The following PRKN variants were observed in gnomAD, a reference collection of about 807,000 sequenced individuals.
The protein encoded by PRKN is E3 ubiquitin-protein ligase parkin.
A neutral mutation model predicts 59.5 loss-of-function variants in PRKN; 56 were observed. The ratio of observed to expected loss-of-function variants is 0.94; its 90% CI spans 0.76 to 1.18. PRKN has a LOEUF of 1.18. Among genes scored for constraint, PRKN ranks in the 50% most tolerant of loss-of-function variants. The pLI is 0.00. For missense variants in PRKN, 657 were observed against 596.4 expected (o/e 1.10, Z -1.06); for synonymous variants, 250 against 222.1 (o/e 1.13, Z -1.12).
In PRKN at chr6:161,386,659, C is replaced by T. The variant is rs1786262853; in HGVS notation, c.1167+135G>A. On this transcript the variant is annotated intron_variant, in intron 10 of 11. Coordinates refer to ENST00000366898, the MANE Select transcript of PRKN (RefSeq NM_004562.3). This position sits in a 1 kb window ranked among gnomAD's most constrained non-coding sequence, Gnocchi z 4.3. The stretch of plus-strand genomic sequence containing the variant: ...GTCATTCTGGGAGAAGCCACGGCCC[C>T]ATTCCCATGGCTGTCAGCTACCAGT... 1 of 769,062 alleles carries T rather than the reference C, an allele frequency of 1.3e-6. No homozygotes were observed. Among genetic ancestry groups the T allele is most frequent in the Non-Finnish European group, 2.3e-6 (1 of 427,980 alleles). 47.6% of individuals were successfully genotyped at this position (769,062 alleles called of 1,614,324 possible).
intron 1 of PRKN, among the ~76,000 whole-genome samples, chr6:162,622,100 A>G (rs545861034): frequency 6.6e-6 from 1 of 151,702 alleles, no homozygotes; most frequent in South Asian, 2.1e-4. Context: ...GGCTTGAGCC[A>G]CCGCACCCAG....
intron 2 of PRKN, among the ~76,000 whole-genome samples, chr6:162,378,157 C>T (rs1786225509): frequency 6.6e-6 from 1 of 152,140 alleles, no homozygotes; most frequent in Non-Finnish European, 1.5e-5. Flanking sequence ...TCTTTTCTCC[C>T]CTTTCTTTCT....
intron 2 of PRKN, among the ~76,000 whole-genome samples, chr6:162,371,553 G>A (rs1412138201): frequency 6.6e-6 from 1 of 152,068 alleles, no homozygotes; most frequent in Non-Finnish European, 1.5e-5. Context: ...ATAAACATGA[G>A]AATAACATTA....
chr6:162,039,119 G>A (rs1256832077), intron 5 of PRKN, among the ~76,000 whole-genome samples: 1 of 151,194 alleles, frequency 6.6e-6, no homozygotes, highest in African/African-American at 2.4e-5. Context: ...TCGCGCCACT[G>A]CACTCCAGCC....
chr6:162,223,141 G>T (rs112624804), intron 3 of PRKN, among the ~76,000 whole-genome samples: 32 of 151,868 alleles, frequency 2.1e-4, no homozygotes, highest in African/African-American at 7.7e-4. Flanking sequence ...AGTTTACTGA[G>T]AATGATGATT....
chr6:161,650,427 T>C (rs1156915649), intron 7 of PRKN, among the ~76,000 whole-genome samples: 1 of 152,182 alleles, frequency 6.6e-6, no homozygotes, highest in Non-Finnish European at 1.5e-5. Context: ...ACAGTTTGTC[T>C]TTCTCTACTC....
chr6:162,058,552 C>A (rs1201855967), intron 4 of PRKN, among the ~76,000 whole-genome samples: 1 of 152,166 alleles, frequency 6.6e-6, no homozygotes, highest in Non-Finnish European at 1.5e-5. Context: ...TGTGGTTAAC[C>A]ATTAACTAAA....
At chr6:162,532,356 G>A (rs1158421675) in intron 1 of PRKN, among the ~76,000 whole-genome samples, 1 of 152,256 alleles carries the variant, frequency 6.6e-6, no homozygotes, top group Non-Finnish European at 1.5e-5. Flanking sequence ...GGAGACGTGA[G>A]CACACATCTC....
chr6:162,141,098 C>G (rs1447995624), intron 4 of PRKN, among the ~76,000 whole-genome samples: 2 of 151,786 alleles, frequency 1.3e-5, no homozygotes, highest in African/African-American at 2.4e-5. Flanking sequence ...CCACTGCACT[C>G]CAGCCTGGGC....
At chr6:162,222,734 CATAA>C (rs1459418819) in intron 3 of PRKN, among the ~76,000 whole-genome samples, 1 of 152,084 alleles carries the variant, frequency 6.6e-6, no homozygotes, top group Non-Finnish European at 1.5e-5. Flanking sequence ...ATTGTGAGAT[CATAA>C]ATGGGTGTCG....
rs539426426 is a variant in PRKN, at chr6:162,130,610, A to G, written c.534+70521T>C. Reference sequence around the variant, plus strand: ...AATAGCACTCTCTCTGGGGACATGGATCCCAACCTAGATAGTAGCAGTAGG... The same window carrying G: ...AATAGCACTCTCTCTGGGGACATGGGTCCCAACCTAGATAGTAGCAGTAGG... On this transcript the variant is annotated intron_variant, in intron 4 of 11. Coordinates refer to ENST00000366898, the MANE Select transcript of PRKN (RefSeq NM_004562.3). Among the ~76,000 whole-genome samples, 18 of 152,250 alleles carry G rather than the reference A, an allele frequency of 1.2e-4. No individual in the cohort carries two copies. The South Asian group carries it at 3.5e-3, about 30-fold the overall frequency.
At chr6:161,745,471 G>A (rs1377603492) in intron 7 of PRKN, among the ~76,000 whole-genome samples, 3 of 152,186 alleles carry the variant, frequency 2.0e-5, no homozygotes, top group Non-Finnish European at 4.4e-5. Context: ...GATACAAAGT[G>A]TTCAGCTTTA....
intron 6 of PRKN, among the ~76,000 whole-genome samples, chr6:161,951,130 T>C (rs938939060): frequency 6.6e-6 from 1 of 151,964 alleles, no homozygotes; most frequent in Admixed American, 6.6e-5. Flanking sequence ...GTTTTTACGT[T>C]ACTATTACTT....
Position 161,362,621 on chromosome 6 carries a change from C to A in PRKN, c.1168-2416G>T, listed in dbSNP as rs112942970. On this transcript the variant is annotated intron_variant, in intron 10 of 11. Transcript: ENST00000366898. The surrounding 1 kb of genome is among the most constrained non-coding windows in gnomAD (Gnocchi z 5.2). ...TTTCTGAACATTCCTAACCATCAGGCCTCGGACACGAGGGTTGGTGAAAAG... is the reference window on the plus strand; with the variant it reads ...TTTCTGAACATTCCTAACCATCAGGACTCGGACACGAGGGTTGGTGAAAAG... Among the ~76,000 whole-genome samples the A allele has an allele frequency of 6.4e-3, 976 of 152,304 alleles. 6 individuals are homozygous for A. The highest frequency in any genetic ancestry group is 0.018 in the African/African-American group (765 of 41,576).
rs778713778 is a variant in PRKN at position 161,461,385 on chromosome 6, A to G, written c.1084-74508T>C. Among the ~76,000 whole-genome samples the G allele has an allele frequency of 3.9e-5, 6 of 152,104 alleles. No individual in the cohort carries two copies. The highest frequency in any genetic ancestry group is 5.9e-5 in the Non-Finnish European group (4 of 68,014). On this transcript the variant is annotated intron_variant, in intron 9 of 11. Transcript: ENST00000366898. This position sits in a 1 kb window ranked among gnomAD's most constrained non-coding sequence, Gnocchi z 5.1. ...CAAAGTAGATGGTCTTAAGGAGCTG[A>G]GGTTTTTAAGCTCTAGGGAATCACT...
intron 7 of PRKN, among the ~76,000 whole-genome samples, chr6:161,782,794 T>C (rs1790262431): frequency 6.6e-6 from 1 of 152,068 alleles, no homozygotes; most frequent in African/African-American, 2.4e-5. Flanking sequence ...CTTGGGAGGC[T>C]GAGGCAGGAG....
At chr6:161,973,258 C>T (rs755939170) in intron 6 of PRKN, 44 bp downstream of exon 6, 19 of 1,253,062 alleles carry the variant, frequency 1.5e-5, no homozygotes, top group Non-Finnish European at 1.9e-5. Context: ...TAGATCCTTA[C>T]CTCACGTCCG....
intron 5 of PRKN, among the ~76,000 whole-genome samples, chr6:162,031,504 C>T (rs1304994615): frequency 1.3e-5 from 2 of 151,344 alleles, no homozygotes; most frequent in African/African-American, 2.4e-5. Flanking sequence ...CAAAAGGCTG[C>T]CAAAAGAGTC....
rs560410183 is a variant in PRKN, at chr6:162,696,710, A to AT, written c.7+30951dup. Among the ~76,000 whole-genome samples the AT allele has an allele frequency of 1.1e-4, 16 of 151,546 alleles. 2 individuals carry two copies. The South Asian group carries it at 2.7e-3, about 26-fold the overall frequency. Reference sequence around the variant, plus strand: ...AGGTGTGTGCCACCATGCCCAGCTAATTTTTTTAAATCTTTTGTAGAGATG... The same window carrying AT: ...AGGTGTGTGCCACCATGCCCAGCTAATTTTTTTTAAATCTTTTGTAGAGATG... On this transcript the variant is annotated intron_variant, in intron 1 of 11. Transcript: ENST00000366898.
Sources: gnomAD v4.1 joint callset for allele counts (sites outside exome capture counted in the v4.1 genomes callset) on GRCh38, gnomAD v4.1.1 for gene constraint, Gnocchi (gnomAD v3.1) non-coding constraint, MANE v1.5 for transcripts, NCBI Gene and HGNC (gene_info 2026-07-23, HGNC 2026-07-21) for gene names.